The following SNX29 variants were observed in gnomAD, a reference collection of about 807,000 sequenced individuals.
SNX29 encodes sorting nexin-29.
A neutral mutation model predicts 102.1 loss-of-function variants in SNX29; 78 were observed. The observed-to-expected ratio is 0.76, with a 90% CI of 0.64 to 0.92. The LOEUF (loss-of-function observed/expected upper bound fraction) is 0.92. Among genes scored for constraint, SNX29 ranks in the 40% least tolerant of loss-of-function variants. The pLI is 0.00. For synonymous variants in SNX29, 580 were observed against 414.5 expected (o/e 1.40, Z -4.85); for missense variants, 1,280 against 1,061.7 (o/e 1.21, Z -2.86).
At chr16:12,225,006 C>T (rs1260487172) in intron 14 of SNX29, among the ~76,000 whole-genome samples, 1 of 152,204 alleles carries the variant, frequency 6.6e-6, no homozygotes, top group Admixed American at 6.5e-5. Context: ...AGTTGATAAC[C>T]TTGCAAACCA....
At chr16:12,190,105 G>T (rs577802869) in intron 13 of SNX29, among the ~76,000 whole-genome samples, 56 of 152,110 alleles carry the variant, frequency 3.7e-4, no homozygotes, top group Non-Finnish European at 7.6e-4. Context: ...GAAAGTCAGG[G>T]TTATGGGGAG....
intron 15 of SNX29, 123 bp from the exon 16 acceptor site, chr16:12,356,040 C>G (rs935126343): frequency 2.5e-6 from 2 of 814,146 alleles, no homozygotes; most frequent in African/African-American, 1.7e-5. Context: ...GTCATTGACT[C>G]CAGCCCCAAC....
chr16:12,059,625 G>A (rs950051842), intron 8 of SNX29, among the ~76,000 whole-genome samples: 1 of 152,182 alleles, frequency 6.6e-6, no homozygotes, highest in Non-Finnish European at 1.5e-5. Context: ...TCTAAAATAG[G>A]AGCTGGCAAT....
chr16:12,419,354 C>T (rs923166708), intron 18 of SNX29, among the ~76,000 whole-genome samples: 1 of 152,126 alleles, frequency 6.6e-6, no homozygotes, highest in African/African-American at 2.4e-5. Flanking sequence ...AGGCAGGGCT[C>T]CTCCAATGGG....
At chr16:12,418,937 A>G (rs781430090) in intron 18 of SNX29, among the ~76,000 whole-genome samples, 15 of 152,140 alleles carry the variant, frequency 9.9e-5, no homozygotes, top group Non-Finnish European at 2.1e-4. Context: ...GCAGTTATAC[A>G]TCTGCCTAAA....
At chr16:12,495,596 T>C (rs1488815918) in intron 19 of SNX29, among the ~76,000 whole-genome samples, 1 of 152,242 alleles carries the variant, frequency 6.6e-6, no homozygotes, top group African/African-American at 2.4e-5. Context: ...TGCTTAAACA[T>C]GGTAAGTGTG....
chr16:12,258,272 C>G (rs533464203), intron 14 of SNX29, among the ~76,000 whole-genome samples: 1 of 152,234 alleles, frequency 6.6e-6, no homozygotes, highest in Non-Finnish European at 1.5e-5. Flanking sequence ...CACCTCGTCT[C>G]TGTGTGTACC....
intron 14 of SNX29, among the ~76,000 whole-genome samples, chr16:12,209,405 G>C (rs1186318625): frequency 6.6e-6 from 1 of 152,134 alleles, no homozygotes; most frequent in Non-Finnish European, 1.5e-5. Context: ...GGCCAGACTG[G>C]TTTCAAACTC....
intron 16 of SNX29, among the ~76,000 whole-genome samples, chr16:12,390,660 C>T (rs1488195988): frequency 1.3e-5 from 2 of 152,102 alleles, no homozygotes; most frequent in African/African-American, 2.4e-5. Flanking sequence ...ATGCCCTCAG[C>T]GGGTTTTCCA....
intron 19 of SNX29, among the ~76,000 whole-genome samples, chr16:12,503,138 A>C (rs1597636928): frequency 2.1e-5 from 3 of 145,120 alleles, no homozygotes; most frequent in African/African-American, 5.1e-5. Context: ...TCAACTGCAC[A>C]CCCCCCTGCC....
At chr16:12,242,599 C>T (rs1210506897) in intron 14 of SNX29, among the ~76,000 whole-genome samples, 2 of 150,636 alleles carry the variant, frequency 1.3e-5, no homozygotes, top group African/African-American at 4.9e-5. Context: ...TCTTCTTCTT[C>T]TCTTCTTCTT....
chr16:12,524,977 G>C (rs1325068614), intron 20 of SNX29, 136 bp downstream of exon 20: 15 of 1,278,552 alleles, frequency 1.2e-5, no homozygotes, highest in Non-Finnish European at 1.4e-5. Context: ...TCCAGGGGCT[G>C]TTCCAGGTGC....
intron 20 of SNX29, among the ~76,000 whole-genome samples, chr16:12,544,855 C>T (rs1045542211): frequency 6.6e-6 from 1 of 152,342 alleles, no homozygotes; most frequent in East Asian, 1.9e-4. Flanking sequence ...TGCCCACATG[C>T]AGCCAGTGTC....
chr16:12,437,166 C>T (rs2085575850), intron 18 of SNX29, among the ~76,000 whole-genome samples: 1 of 152,254 alleles, frequency 6.6e-6, no homozygotes, highest in African/African-American at 2.4e-5. Flanking sequence ...TGTAATTTTT[C>T]AGGGTAGCCC....
chr16:12,377,382 G>A (rs973955684), intron 16 of SNX29, among the ~76,000 whole-genome samples: 1 of 152,154 alleles, frequency 6.6e-6, no homozygotes, highest in Non-Finnish European at 1.5e-5. Context: ...GTGGCAGAGG[G>A]GCAGGAGACA....
chr16:12,119,468 ACTTT>A (rs1169887578), intron 11 of SNX29, among the ~76,000 whole-genome samples: 2 of 152,188 alleles, frequency 1.3e-5, no homozygotes, highest in Non-Finnish European at 2.9e-5. Context: ...GTACCTTGTG[ACTTT>A]CTTCCATTTT....
chr16:12,354,211 AG>A lies in SNX29; in HGVS notation c.1783-1950del, dbSNP rs771251088. 3.3e-5 allele frequency among the ~76,000 whole-genome samples: 5 copies of A among 152,354 alleles called. No homozygotes were observed. The East Asian group carries it at 9.6e-4, about 29-fold the overall frequency. ...GAAAGCTGTTGATACCAATGGCTGT[AG>A]GTAGGGATATGTGATATAAAAACTC... On this transcript the variant is annotated intron_variant, in intron 15 of 20. Coordinates refer to ENST00000566228, the MANE Select transcript of SNX29 (RefSeq NM_032167.5).
intron 18 of SNX29, among the ~76,000 whole-genome samples, chr16:12,458,724 G>A (rs543607737): frequency 6.6e-6 from 1 of 152,256 alleles, no homozygotes; most frequent in Non-Finnish European, 1.5e-5. Flanking sequence ...CAAGGAGGAG[G>A]TAGCCTTTGG....
intron 13 of SNX29, among the ~76,000 whole-genome samples, chr16:12,143,382 T>G (rs897066144): frequency 1.3e-5 from 2 of 151,616 alleles, no homozygotes; most frequent in Non-Finnish European, 2.9e-5. Flanking sequence ...AAGTGTCGTA[T>G]GGGGCAGGTG....
Sources: allele counts gnomAD v4.1 joint callset (sites outside exome capture counted in the v4.1 genomes callset), GRCh38; gene constraint gnomAD v4.1.1; transcripts MANE v1.5; gene names NCBI Gene and HGNC (gene_info 2026-07-23, HGNC 2026-07-21).